Variants in STK39 observed in about 807,000 individuals in gnomAD.
STK39 encodes serine/threonine kinase 39, also known as STE20/SPS1-related proline-alanine-rich protein kinase.
In STK39, 20 loss-of-function variants were observed where a neutral mutation model predicts 77.8. That is an observed-to-expected ratio of 0.26 (90% CI 0.18 to 0.37). The LOEUF (loss-of-function observed/expected upper bound fraction) is 0.37, where lower values mean the gene tolerates loss of function less well. Ranked by LOEUF, STK39 falls within the 10% of genes least tolerant of loss-of-function variation. The pLI, the probability that STK39 is intolerant of heterozygous loss-of-function variation, is 1.00. For synonymous variants in STK39, 246 were observed against 234.1 expected (o/e 1.05, Z -0.47); for missense variants, 479 against 656.5 (o/e 0.73, Z 2.95).
At chr2:168,221,760 C>T (rs888336520) in intron 1 of STK39, among the ~76,000 whole-genome samples, 1 of 152,150 alleles carries the variant, frequency 6.6e-6, no homozygotes, top group African/African-American at 2.4e-5. Flanking sequence ...GGCACTTCTT[C>T]TTTGGATCAC....
intron 16 of STK39, among the ~76,000 whole-genome samples, chr2:167,989,296 C>A (rs1166594292): frequency 6.6e-6 from 1 of 152,162 alleles, no homozygotes; most frequent in African/African-American, 2.4e-5. Context: ...TGGGGGACTA[C>A]ACATGGTGGC....
intron 14 of STK39, among the ~76,000 whole-genome samples, chr2:168,055,481 C>T (rs1282399502): frequency 6.6e-6 from 1 of 152,212 alleles, no homozygotes; most frequent in African/African-American, 2.4e-5. Context: ...TTTTTCCCTA[C>T]CAGCAGGAAG....
At position 168,017,117 on chromosome 2, in the gene STK39, A is replaced by G. The variant is rs895477045; in HGVS notation, c.1377-22T>C. The G allele has an allele frequency of 2.6e-6, 4 of 1,550,952 alleles. No homozygotes were observed. In the African/African-American group the frequency reaches 4.1e-5, roughly 16 times the overall value. On this transcript the variant is annotated intron_variant, in intron 14 of 17. Transcript: ENST00000355999. ...GTTTCTGAAATACATAACATATAAT[A>G]CATTAAAGTCTAGGGAAGCAGAGTT...
chr2:168,163,822 A>C lies in STK39; in HGVS notation c.489T>G (p.Val163=), dbSNP rs1688634584. The C allele has an allele frequency of 6.2e-7, 1 of 1,613,994 alleles. No homozygotes were observed. The highest frequency in any genetic ancestry group is 8.5e-7 in the Non-Finnish European group (1 of 1,179,932). Residue 163 remains valine, a synonymous_variant, in exon 4 of 18, where the codon GTT becomes GTG. Coordinates refer to ENST00000355999, the MANE Select transcript of STK39 (RefSeq NM_013233.3). ...TTGTTGCTATTATTGCCTCTTCCAG[A>C]ACTCCATTCTTGTGTTCTCCTCGGT... is the stretch of plus-strand genomic sequence containing the variant. The part of the protein sequence containing the change: ...IVNRGEHKNG[V]LEEAIIATIL...
intron 10 of STK39, among the ~76,000 whole-genome samples, chr2:168,078,975 C>G (rs1262694181): frequency 6.6e-6 from 1 of 152,166 alleles, no homozygotes; most frequent in Non-Finnish European, 1.5e-5. Flanking sequence ...ACCTACTGCA[C>G]CAGCAGAAAG....
intron 10 of STK39, among the ~76,000 whole-genome samples, chr2:168,111,678 A>G (rs1052022834): frequency 2.6e-5 from 4 of 152,212 alleles, no homozygotes; most frequent in Admixed American, 1.3e-4. Context: ...AGCAAAATTC[A>G]TTACAAATAC....
At chr2:168,123,027 T>C (rs886403090) in intron 10 of STK39, among the ~76,000 whole-genome samples, 3 of 152,200 alleles carry the variant, frequency 2.0e-5, no homozygotes, top group African/African-American at 7.2e-5. Context: ...AAGGAATAAA[T>C]CAATACCATG....
chr2:168,081,972 C>A (rs1686245235), intron 10 of STK39, among the ~76,000 whole-genome samples: 1 of 152,172 alleles, frequency 6.6e-6, no homozygotes, highest in Non-Finnish European at 1.5e-5. Context: ...ACCTCTATTT[C>A]TTTTGTAAAT....
At chr2:168,167,180 CCAAA>C (rs1019585598) in intron 3 of STK39, 115 bp downstream of exon 3, 3 of 827,356 alleles carry the variant, frequency 3.6e-6, no homozygotes, top group African/African-American at 3.4e-5. Context: ...CAATGAGAAA[CCAAA>C]CAAACTTTCA....
At chr2:168,045,948 G>A (rs935964768) in intron 14 of STK39, among the ~76,000 whole-genome samples, 2 of 152,292 alleles carry the variant, frequency 1.3e-5, no homozygotes, top group East Asian at 3.9e-4. Flanking sequence ...CCCCCAGAGA[G>A]GCACTCCACA....
intron 14 of STK39, among the ~76,000 whole-genome samples, chr2:168,029,599 A>G (rs1025218321): frequency 6.6e-6 from 1 of 152,172 alleles, no homozygotes; most frequent in African/African-American, 2.4e-5. Flanking sequence ...ACCTCAACAG[A>G]GGGAGCTCAA....
intron 14 of STK39, among the ~76,000 whole-genome samples, chr2:168,038,791 T>A (rs1408372957): frequency 6.6e-6 from 1 of 151,998 alleles, no homozygotes; most frequent in Non-Finnish European, 1.5e-5. Flanking sequence ...AAGAAACACA[T>A]GAGAAAGGTT....
chr2:168,030,869 C>T (rs75290113), intron 14 of STK39, among the ~76,000 whole-genome samples: 5,452 of 152,248 alleles, frequency 0.036, 345 homozygotes, highest in African/African-American at 0.12. Flanking sequence ...AACATTGTTC[C>T]TAGGCATTTG....
intron 10 of STK39, among the ~76,000 whole-genome samples, chr2:168,106,416 T>C (rs1686975473): frequency 1.3e-5 from 2 of 152,234 alleles, no homozygotes; most frequent in South Asian, 4.1e-4. Context: ...GTTACTGTTA[T>C]AGCTATTATT....
intron 1 of STK39, among the ~76,000 whole-genome samples, chr2:168,245,433 G>C (rs1244117203): frequency 6.6e-6 from 1 of 152,202 alleles, no homozygotes; most frequent in Non-Finnish European, 1.5e-5. Flanking sequence ...TTCAGATCTT[G>C]TTGCGCAAAT....
chr2:167,988,494 C>T (rs1375278548), intron 16 of STK39, among the ~76,000 whole-genome samples: 1 of 151,992 alleles, frequency 6.6e-6, no homozygotes, highest in East Asian at 1.9e-4. Context: ...TTTCAAACAC[C>T]TCAACACTCA....
At chr2:168,108,042 C>A (rs1687025149) in intron 10 of STK39, among the ~76,000 whole-genome samples, 1 of 152,214 alleles carries the variant, frequency 6.6e-6, no homozygotes, top group African/African-American at 2.4e-5. Context: ...TGGCAAAATT[C>A]TACTTACTAC....
chr2:168,127,493 G>A (rs1468596815), intron 10 of STK39, among the ~76,000 whole-genome samples: 1 of 152,174 alleles, frequency 6.6e-6, no homozygotes, highest in Non-Finnish European at 1.5e-5. Context: ...AGCCTGAACA[G>A]ATTCTTCATT....
chr2:168,202,894 G>A (rs1003149643), intron 1 of STK39, among the ~76,000 whole-genome samples: 2 of 152,092 alleles, frequency 1.3e-5, no homozygotes, highest in South Asian at 2.1e-4. Context: ...AGCAACAAAC[G>A]GAAGCATGCA....
Sources: gnomAD v4.1 joint callset for allele counts (sites outside exome capture counted in the v4.1 genomes callset) on GRCh38, gnomAD v4.1.1 for gene constraint, MANE v1.5 for transcripts, NCBI Gene and HGNC (gene_info 2026-07-23, HGNC 2026-07-21) for gene names.